The following TBC1D9 variants were observed in gnomAD, a reference collection of about 807,000 sequenced individuals.
TBC1D9 encodes TBC1 domain family member 9.
In TBC1D9, 63 loss-of-function variants were observed where a neutral mutation model predicts 132.0. The ratio of observed to expected loss-of-function variants is 0.48; its 90% CI spans 0.39 to 0.59. The LOEUF is 0.59. Among genes scored for constraint, TBC1D9 ranks in the 20% least tolerant of loss-of-function variants. TBC1D9 has a pLI of 0.00. For missense variants in TBC1D9, 1,261 were observed against 1,592.7 expected, an observed-to-expected ratio of 0.79 and a Z score of 3.54; for synonymous variants, 610 against 609.9, an observed-to-expected ratio of 1.00 and a Z score of 0.00.
intron 6 of TBC1D9, 22 bp downstream of exon 6, chr4:140,676,872 T>A: frequency 6.2e-7 from 1 of 1,608,518 alleles, no homozygotes; most frequent in Non-Finnish European, 8.5e-7. Flanking sequence ...ACTTAAAATA[T>A]CAATTTTTAT....
chr4:140,664,974 G>A (rs1417554080), intron 9 of TBC1D9, among the ~76,000 whole-genome samples: 1 of 152,046 alleles, frequency 6.6e-6, no homozygotes, highest in Non-Finnish European at 1.5e-5. Context: ...AGGCGTGGTG[G>A]TGCACACCTG....
intron 10 of TBC1D9, among the ~76,000 whole-genome samples, chr4:140,661,673 T>C (rs1737363340): frequency 6.6e-6 from 1 of 152,160 alleles, no homozygotes; most frequent in Admixed American, 6.5e-5. Flanking sequence ...TCTACCAGCA[T>C]CTAGTGGTAG....
At chr4:140,693,130 CTTTA>C (rs1737902148) in intron 2 of TBC1D9, among the ~76,000 whole-genome samples, 1 of 151,788 alleles carries the variant, frequency 6.6e-6, no homozygotes, top group African/African-American at 2.4e-5. Context: ...TTTTTCATTT[CTTTA>C]TTTATTTTAA....
At chr4:140,700,546 G>A (rs1738051693) in intron 2 of TBC1D9, among the ~76,000 whole-genome samples, 2 of 152,006 alleles carry the variant, frequency 1.3e-5, no homozygotes, top group African/African-American at 4.8e-5. Flanking sequence ...TTTGCTGGGT[G>A]CAGTGGCTCA....
chr4:140,737,276 C>T (rs954751057), intron 1 of TBC1D9, among the ~76,000 whole-genome samples: 6 of 151,960 alleles, frequency 3.9e-5, no homozygotes, highest in East Asian at 1.9e-4. Context: ...GGCCCCTGAG[C>T]GGAAGATCTG....
intron 1 of TBC1D9, among the ~76,000 whole-genome samples, chr4:140,748,752 C>A (rs1028470094): frequency 1.3e-5 from 2 of 152,020 alleles, no homozygotes; most frequent in African/African-American, 4.8e-5. Flanking sequence ...TGGAGACAAA[C>A]AAAAACTGAG....
At chr4:140,744,435 G>C (rs770680067) in intron 1 of TBC1D9, among the ~76,000 whole-genome samples, 1 of 152,046 alleles carries the variant, frequency 6.6e-6, no homozygotes. Context: ...TCAAATTCAG[G>C]CACAACTGAC....
chr4:140,750,418 A>C (rs1738906466), intron 1 of TBC1D9, among the ~76,000 whole-genome samples: 1 of 152,106 alleles, frequency 6.6e-6, no homozygotes, highest in Non-Finnish European at 1.5e-5. Flanking sequence ...CAGATAAATT[A>C]CCAGAATTCA....
intron 1 of TBC1D9, chr4:140,716,005 A>G (rs1311255155): frequency 6.6e-6 from 1 of 152,204 alleles, no homozygotes; most frequent in Non-Finnish European, 1.5e-5. Context: ...GACTGTGCAA[A>G]ACCATGGGTA....
intron 2 of TBC1D9, among the ~76,000 whole-genome samples, chr4:140,690,865 T>C (rs1481639166): frequency 1.3e-5 from 2 of 152,134 alleles, no homozygotes; most frequent in African/African-American, 4.8e-5. Context: ...TATGAACCCA[T>C]TATCATCATA....
intron 13 of TBC1D9, among the ~76,000 whole-genome samples, chr4:140,655,120 G>A (rs990885381): frequency 6.6e-6 from 1 of 152,036 alleles, no homozygotes; most frequent in African/African-American, 2.4e-5. Flanking sequence ...TTTTTAAAGT[G>A]TATGTTGTAA....
chr4:140,720,076 A>C (rs1239112044), intron 1 of TBC1D9, among the ~76,000 whole-genome samples: 1 of 152,206 alleles, frequency 6.6e-6, no homozygotes, highest in Non-Finnish European at 1.5e-5. Flanking sequence ...CCAATTTTGC[A>C]CAGCACCTGG....
intron 1 of TBC1D9, among the ~76,000 whole-genome samples, chr4:140,720,900 T>C (rs1009679642): frequency 6.6e-6 from 1 of 152,202 alleles, no homozygotes; most frequent in African/African-American, 2.4e-5. Context: ...AGACCAGCTC[T>C]TTGTGTGTGC....
At chr4:140,680,565 G>T (rs1737687930) in intron 3 of TBC1D9, among the ~76,000 whole-genome samples, 1 of 152,050 alleles carries the variant, frequency 6.6e-6, no homozygotes. Flanking sequence ...ATGCTCCCTT[G>T]AATTCCACCT....
chr4:140,677,892 C>T (rs113879724), intron 5 of TBC1D9, among the ~76,000 whole-genome samples: 1 of 152,142 alleles, frequency 6.6e-6, no homozygotes, highest in Non-Finnish European at 1.5e-5. Context: ...CAAAATATCA[C>T]TTCTTAAATG....
chr4:140,723,630 G>A (rs1049271678), intron 1 of TBC1D9, among the ~76,000 whole-genome samples: 2 of 151,820 alleles, frequency 1.3e-5, no homozygotes, highest in East Asian at 3.9e-4. Flanking sequence ...CACCATGCCC[G>A]GCCTACTTCC....
chr4:140,653,609 A>G (rs1737219988), intron 13 of TBC1D9, among the ~76,000 whole-genome samples: 1 of 152,128 alleles, frequency 6.6e-6, no homozygotes, highest in Non-Finnish European at 1.5e-5. Context: ...AGGATTGAAA[A>G]CCACCAATTT....
At chr4:140,644,348 AG>A in intron 13 of TBC1D9, 1 of 278,686 alleles carries the variant, frequency 3.6e-6, no homozygotes. Flanking sequence ...GGTGGGAGCT[AG>A]GGGTAGCAGG....
At chr4:140,654,535 C>G (rs895087687) in intron 13 of TBC1D9, among the ~76,000 whole-genome samples, 1 of 152,150 alleles carries the variant, frequency 6.6e-6, no homozygotes, top group East Asian at 1.9e-4. Flanking sequence ...AGAGAAACCC[C>G]ATTATATCCC....
Sources: gnomAD v4.1 joint callset for allele counts (sites outside exome capture counted in the v4.1 genomes callset) on GRCh38, gnomAD v4.1.1 for gene constraint, MANE v1.5 for transcripts, NCBI Gene and HGNC (gene_info 2026-07-23, HGNC 2026-07-21) for gene names.